Variants in AJAP1 observed in about 807,000 individuals in gnomAD.
The protein encoded by AJAP1 is adherens junctions associated protein 1.
AJAP1 carries 5 observed loss-of-function variants against 35.0 expected under a neutral mutation model. The observed-to-expected ratio is 0.14, with a 90% CI of 0.07 to 0.30. AJAP1 has a LOEUF of 0.30. AJAP1 is among the 10% of genes least tolerant of loss of function. The pLI is 1.00. For missense variants in AJAP1, 586 were observed against 571.0 expected, an observed-to-expected ratio of 1.03 and a Z score of -0.27; for synonymous variants, 284 against 249.3, an observed-to-expected ratio of 1.14 and a Z score of -1.31.
Position 4,784,635 on chromosome 1 carries a change from G to T in AJAP1, c.*2150G>T, listed in dbSNP as rs1435616924. The stretch of plus-strand genomic sequence containing the variant: ...CCGGAGGTGAAAGGATTGTTTTTGT[G>T]ATGCAGCAGTGTTGAGATCTGTATC... On this transcript the variant is annotated 3_prime_UTR_variant, in exon 6 of 6. Coordinates refer to ENST00000378191, the MANE Select transcript of AJAP1 (RefSeq NM_018836.4). 6.6e-6 allele frequency: 1 copy of T among 152,230 alleles called. No homozygotes were observed. The highest frequency in any genetic ancestry group is 1.5e-5 in the Non-Finnish European group (1 of 68,052). 9.4% of individuals were successfully genotyped at this position (152,230 alleles called of 1,614,324 possible).
At chr1:4,743,028 C>G (rs1016162196) in intron 2 of AJAP1, among the ~76,000 whole-genome samples, 3 of 152,194 alleles carry the variant, frequency 2.0e-5, no homozygotes, top group African/African-American at 7.2e-5. Flanking sequence ...GTCCCCTGTC[C>G]CCGTCAGAAC....
intron 1 of AJAP1, among the ~76,000 whole-genome samples, chr1:4,685,380 C>T (rs1393339816): frequency 5.3e-5 from 8 of 152,214 alleles, no homozygotes; most frequent in African/African-American, 1.7e-4. Context: ...AGCACAGCCT[C>T]CCTTTGATGG....
At chr1:4,777,603 A>G (rs1641964545) in intron 5 of AJAP1, 1 of 152,240 alleles carries the variant, frequency 6.6e-6, no homozygotes, top group African/African-American at 2.4e-5. Flanking sequence ...ATTCGCGATC[A>G]TCTTTCATAC....
At chr1:4,780,187 T>G (rs971487230) in intron 5 of AJAP1, among the ~76,000 whole-genome samples, 8 of 150,702 alleles carry the variant, frequency 5.3e-5, no homozygotes, top group Non-Finnish European at 7.4e-5. Flanking sequence ...GCGTGTCTAG[T>G]TCAATGGCAT....
chr1:4,725,549 T>C (rs1640636590), intron 2 of AJAP1, among the ~76,000 whole-genome samples: 1 of 152,122 alleles, frequency 6.6e-6, no homozygotes, highest in Admixed American at 6.5e-5. Context: ...GAACTCAGAA[T>C]GTCCAGGATG....
chr1:4,781,815 G>T (rs985441004), intron 5 of AJAP1, among the ~76,000 whole-genome samples: 1 of 152,202 alleles, frequency 6.6e-6, no homozygotes, highest in Non-Finnish European at 1.5e-5. Context: ...CCTACTGGGG[G>T]CTCTCACTCA....
intron 2 of AJAP1, among the ~76,000 whole-genome samples, chr1:4,736,442 C>A (rs1640925510): frequency 6.6e-6 from 1 of 152,256 alleles, no homozygotes; most frequent in Non-Finnish European, 1.5e-5. Flanking sequence ...TCCAAAAACA[C>A]CAGCCACAAG....
At position 4,791,517 on chromosome 1, in the gene AJAP1, G is replaced by A. The variant is rs533734984; in HGVS notation, c.*9032G>A. Reference sequence around the variant, plus strand: ...CACCAGGGACAAGTCTGGCTCTAATGTATGTTTTATGAAGTCTGATTAGCT... The same window carrying A: ...CACCAGGGACAAGTCTGGCTCTAATATATGTTTTATGAAGTCTGATTAGCT... On this transcript the variant is annotated 3_prime_UTR_variant, in exon 6 of 6. Coordinates refer to ENST00000378191, the MANE Select transcript of AJAP1 (RefSeq NM_018836.4). The A allele has an allele frequency of 2.6e-5, 4 of 152,358 alleles. No individual in the cohort carries two copies. The South Asian group carries it at 8.3e-4, about 32-fold the overall frequency. The allele number at this position is 152,358 out of a possible 1,614,324, so 9.4% of individuals were successfully genotyped here.
At chr1:4,737,271 G>A (rs1640947404) in intron 2 of AJAP1, among the ~76,000 whole-genome samples, 1 of 152,050 alleles carries the variant, frequency 6.6e-6, no homozygotes, top group South Asian at 2.1e-4. Flanking sequence ...GCCTGAGCCT[G>A]AGCCTGAGCC....
chr1:4,753,509 T>C (rs1212291245), intron 2 of AJAP1, among the ~76,000 whole-genome samples: 1 of 152,242 alleles, frequency 6.6e-6, no homozygotes, highest in East Asian at 1.9e-4. Context: ...AGTATTTATA[T>C]GTGTCCCAGT....
At chr1:4,732,540 C>T (rs377409863) in intron 2 of AJAP1, among the ~76,000 whole-genome samples, 12 of 152,378 alleles carry the variant, frequency 7.9e-5, no homozygotes, top group East Asian at 1.9e-4. Flanking sequence ...TGGGCTCCTT[C>T]GGGGGCCCCC....
rs551938982 is a variant in AJAP1 at position 4,768,844 on chromosome 1, G to T, written c.830-1009G>T. Among the ~76,000 whole-genome samples, 17 of 152,338 alleles carry T rather than the reference G, an allele frequency of 1.1e-4. No homozygotes were observed. The South Asian group carries it at 3.5e-3, about 32-fold the overall frequency. On this transcript the variant is annotated intron_variant, in intron 2 of 5. Coordinates refer to ENST00000378191, the MANE Select transcript of AJAP1 (RefSeq NM_018836.4). ...TCCCCAGCATCCAGGTCCCAGGAAGGATGTGACAGATGTGTAGTCAGGAGA... is the reference window on the plus strand; with the variant it reads ...TCCCCAGCATCCAGGTCCCAGGAAGTATGTGACAGATGTGTAGTCAGGAGA...
intron 1 of AJAP1, among the ~76,000 whole-genome samples, chr1:4,673,805 C>A (rs1005284526): frequency 2.0e-5 from 3 of 152,224 alleles, no homozygotes; most frequent in Admixed American, 1.3e-4. Flanking sequence ...TGTGACTCTT[C>A]TTGTCCTCTG....
At chr1:4,777,847 AC>A (rs1237505713) in intron 5 of AJAP1, 1 of 152,158 alleles carries the variant, frequency 6.6e-6, no homozygotes, top group Non-Finnish European at 1.5e-5. Flanking sequence ...AGAATATCAA[AC>A]TTTTGTTATT....
intron 1 of AJAP1, among the ~76,000 whole-genome samples, chr1:4,683,645 G>A (rs1275966600): frequency 2.0e-5 from 3 of 152,156 alleles, no homozygotes; most frequent in Non-Finnish European, 2.9e-5. Context: ...TCTTTCCCCC[G>A]GGGACTCTTG....
intron 2 of AJAP1, among the ~76,000 whole-genome samples, chr1:4,741,949 T>C (rs1005103194): frequency 1.3e-5 from 2 of 152,200 alleles, no homozygotes; most frequent in Non-Finnish European, 2.9e-5. Context: ...CATAATAAAG[T>C]GGAATCCCTG....
intron 2 of AJAP1, among the ~76,000 whole-genome samples, chr1:4,740,765 A>G (rs1338391184): frequency 2.9e-5 from 4 of 137,448 alleles, no homozygotes; most frequent in East Asian, 2.4e-4. Context: ...CAGCCTGGGC[A>G]ACAGAGCAAG....
chr1:4,710,852 CAG>C (rs1640214486), intron 1 of AJAP1, among the ~76,000 whole-genome samples: 1 of 152,222 alleles, frequency 6.6e-6, no homozygotes, highest in African/African-American at 2.4e-5. Context: ...CATGTGACAC[CAG>C]AGAGTCCACT....
intron 1 of AJAP1, among the ~76,000 whole-genome samples, chr1:4,696,160 G>C (rs1171347856): frequency 6.6e-6 from 1 of 150,628 alleles, no homozygotes; most frequent in Non-Finnish European, 1.5e-5. Context: ...TTGAGGGGGG[G>C]AGCAGGGAGG....
Sources: allele counts gnomAD v4.1 joint callset (sites outside exome capture counted in the v4.1 genomes callset), GRCh38; gene constraint gnomAD v4.1.1; transcripts MANE v1.5; gene names NCBI Gene and HGNC (gene_info 2026-07-23, HGNC 2026-07-21).